GALNT13: variants seen among roughly 807,000 people sequenced by gnomAD.
GALNT13 encodes polypeptide N-acetylgalactosaminyltransferase 13.
A neutral mutation model predicts 64.2 loss-of-function variants in GALNT13; 28 were observed. The observed-to-expected ratio is 0.44, with a 90% CI of 0.32 to 0.60. The LOEUF is 0.60. Among genes scored for constraint, GALNT13 ranks in the 20% least tolerant of loss-of-function variants. The probability of loss-of-function intolerance (pLI) is 0.05; values close to 1 mark genes in which losing one functional copy is unlikely to be tolerated. For synonymous variants in GALNT13, 214 were observed against 224.6 expected (o/e 0.95, Z 0.42); for missense variants, 577 against 669.8 (o/e 0.86, Z 1.53).
At chr2:153,548,235 T>G in the GALNT13 span, among the ~76,000 whole-genome samples, 7 of 152,182 alleles carry the variant, frequency 4.6e-5, no homozygotes, top group Non-Finnish European at 5.9e-5. Flanking sequence ...CCTGCATTTC[T>G]AAGAAGCTCA....
the GALNT13 span, among the ~76,000 whole-genome samples, chr2:153,517,741 T>C: frequency 6.6e-6 from 1 of 152,154 alleles, no homozygotes; most frequent in African/African-American, 2.4e-5. Flanking sequence ...GCAGACATCA[T>C]AGTAACACAT....
At chr2:154,152,430 A>C (rs1684100822) in intron 4 of GALNT13, among the ~76,000 whole-genome samples, 1 of 151,978 alleles carries the variant, frequency 6.6e-6, no homozygotes, top group South Asian at 2.1e-4. Context: ...CTTCTTGAGG[A>C]GTATCTTTGT....
intron 11 of GALNT13, among the ~76,000 whole-genome samples, chr2:154,416,814 A>G (rs1282173090): frequency 1.3e-5 from 2 of 152,046 alleles, no homozygotes; most frequent in Admixed American, 1.3e-4. Context: ...TTGCCATGCT[A>G]CTCTGTTCAG....
the GALNT13 span, among the ~76,000 whole-genome samples, chr2:153,538,357 TTTTTATTTTA>T: frequency 8.0e-6 from 1 of 125,640 alleles, no homozygotes. Flanking sequence ...TTTTTATTTA[TTTTTATTTTA>T]TTTATTTTAT....
At chr2:154,433,312 T>C (rs1249696643) in intron 11 of GALNT13, among the ~76,000 whole-genome samples, 1 of 152,066 alleles carries the variant, frequency 6.6e-6, no homozygotes, top group Non-Finnish European at 1.5e-5. Flanking sequence ...AAAATATGCA[T>C]TGTCCTCTCT....
chr2:153,728,524 T>C, the GALNT13 span, among the ~76,000 whole-genome samples: 5 of 152,148 alleles, frequency 3.3e-5, no homozygotes, highest in Non-Finnish European at 7.4e-5. Flanking sequence ...TAGCGCTAAA[T>C]GCCCATATCA....
downstream of GALNT13, among the ~76,000 whole-genome samples, chr2:154,454,855 A>G (rs1040220166): frequency 4.6e-5 from 7 of 152,164 alleles, no homozygotes; most frequent in African/African-American, 1.7e-4. Context: ...GTAGTAACTA[A>G]TGGAACATAC....
the GALNT13 span, among the ~76,000 whole-genome samples, chr2:153,825,006 T>C: frequency 1.3e-5 from 2 of 152,336 alleles, no homozygotes; most frequent in African/African-American, 4.8e-5. Context: ...TTCTTTTCTT[T>C]ATAAACTACC....
chr2:154,098,090 CTTTT>C (rs10673538), intron 3 of GALNT13, among the ~76,000 whole-genome samples: 2 of 134,714 alleles, frequency 1.5e-5, no homozygotes. Flanking sequence ...GCTTGTCTTT[CTTTT>C]TTTTTTTTTT....
the GALNT13 span, among the ~76,000 whole-genome samples, chr2:153,234,285 A>G: frequency 6.6e-6 from 1 of 152,174 alleles, no homozygotes; most frequent in East Asian, 1.9e-4. Context: ...AGACATGAGA[A>G]GAGTATGGAT....
At chr2:153,720,917 T>C in the GALNT13 span, among the ~76,000 whole-genome samples, 1 of 151,978 alleles carries the variant, frequency 6.6e-6, no homozygotes, top group African/African-American at 2.4e-5. Flanking sequence ...ACTTCCCCAA[T>C]CTAGCAAGGC....
Position 154,156,399 on chromosome 2 carries a change from AT to A in GALNT13, c.311+15898del, listed in dbSNP as rs1424473124. On this transcript the variant is annotated intron_variant, in intron 4 of 12. Transcript: ENST00000392825. ...CGTAGCATAGTGATTAGGAAGATAT[AT>A]TTTCCCCCATGACACAGTTTAAACA... Among the ~76,000 whole-genome samples, 10 of 152,216 alleles carry A rather than the reference AT, an allele frequency of 6.6e-5. No individual in the cohort carries two copies. In the East Asian group the frequency reaches 1.9e-3, roughly 29 times the overall value.
chr2:153,481,753 A>T, the GALNT13 span, among the ~76,000 whole-genome samples: 1 of 152,320 alleles, frequency 6.6e-6, no homozygotes, highest in South Asian at 2.1e-4. Flanking sequence ...GAATGCTGAT[A>T]TGGATGGTTG....
intron 9 of GALNT13, among the ~76,000 whole-genome samples, chr2:154,333,484 A>G (rs1171233831): frequency 6.6e-6 from 1 of 152,094 alleles, no homozygotes; most frequent in Non-Finnish European, 1.5e-5. Flanking sequence ...ACTCAATTAC[A>G]TTATTGGGTT....
intron 3 of GALNT13, among the ~76,000 whole-genome samples, chr2:154,045,673 C>T (rs1699240158): frequency 6.6e-6 from 1 of 152,030 alleles, no homozygotes; most frequent in Admixed American, 6.6e-5. Context: ...GAGAAGCAGC[C>T]CCTAAATTCT....
At chr2:153,822,693 C>G in the GALNT13 span, among the ~76,000 whole-genome samples, 3 of 152,214 alleles carry the variant, frequency 2.0e-5, no homozygotes, top group African/African-American at 7.2e-5. Context: ...AAGCTGGAAG[C>G]ATTCCCCTTA....
the GALNT13 span, among the ~76,000 whole-genome samples, chr2:153,499,909 T>C: frequency 6.6e-6 from 1 of 152,044 alleles, no homozygotes; most frequent in African/African-American, 2.4e-5. Context: ...CAGCTGCAGC[T>C]GAACCCAGGA....
At chr2:154,197,048 CTTTATAACT>C (rs1686918086) in intron 4 of GALNT13, among the ~76,000 whole-genome samples, 1 of 152,068 alleles carries the variant, frequency 6.6e-6, no homozygotes, top group Admixed American at 6.6e-5. Flanking sequence ...CAAAGATGTC[CTTTATAACT>C]TTTATTTATT....
At chr2:153,224,648 A>G in the GALNT13 span, among the ~76,000 whole-genome samples, 2,137 of 152,316 alleles carry the variant, frequency 0.014, 49 homozygotes, top group African/African-American at 0.048. Flanking sequence ...CAAATTACCA[A>G]TATAACTGAT....
Sources: gnomAD v4.1 joint callset for allele counts (sites outside exome capture counted in the v4.1 genomes callset) on GRCh38, gnomAD v4.1.1 for gene constraint, MANE v1.5 for transcripts, NCBI Gene and HGNC (gene_info 2026-07-23, HGNC 2026-07-21) for gene names.